Variants in PAWR observed in about 807,000 individuals in gnomAD.
The protein encoded by PAWR is pro-apoptotic WT1 regulator.
A neutral mutation model predicts 32.0 loss-of-function variants in PAWR; 23 were observed. That is an observed-to-expected ratio of 0.72 (90% CI 0.52 to 1.02). PAWR has a LOEUF of 1.02. Ranked by LOEUF, PAWR falls within the 50% of genes least tolerant of loss-of-function variation. The pLI is 0.00. For missense variants in PAWR, 457 were observed against 437.7 expected (o/e 1.04, Z -0.39); for synonymous variants, 226 against 187.1 (o/e 1.21, Z -1.70).
intron 2 of PAWR, among the ~76,000 whole-genome samples, chr12:79,664,661 G>GA (rs367569953): frequency 1.3e-5 from 2 of 148,942 alleles, no homozygotes; most frequent in Admixed American, 6.6e-5. Context: ...TCTTTGGCGG[G>GA]GGGGGGAGGA....
chr12:79,665,017 A>C (rs895955128), intron 2 of PAWR, among the ~76,000 whole-genome samples: 1 of 152,148 alleles, frequency 6.6e-6, no homozygotes, highest in Non-Finnish European at 1.5e-5. Context: ...CAATAGTTAT[A>C]TTTTAAGGTT....
intron 2 of PAWR, among the ~76,000 whole-genome samples, chr12:79,638,450 T>C (rs1171317990): frequency 6.6e-6 from 1 of 152,126 alleles, no homozygotes; most frequent in East Asian, 1.9e-4. Flanking sequence ...TTAATTTCCC[T>C]TTTGCAATTT....
chr12:79,632,314 T>TATATATATATATATATATATAC (rs1875692568), intron 2 of PAWR, among the ~76,000 whole-genome samples: 1 of 18,114 alleles, frequency 5.5e-5, no homozygotes, highest in Non-Finnish European at 8.2e-5. Flanking sequence ...TATACATACA[T>TATATATATATATATATATATAC]ATATATATAT....
In PAWR at chr12:79,689,902, C is replaced by T. The variant is rs1327523103; in HGVS notation, c.343G>A (p.Ala115Thr). Residue 115 changes from alanine (A) to threonine (T), a missense_variant, in exon 2 of 7, where the codon GCC (alanine) becomes ACC (threonine). By Grantham distance (58) the Ala-to-Thr change is moderately conservative (BLOSUM62 0). Coordinates refer to ENST00000328827, the MANE Select transcript of PAWR (RefSeq NM_002583.4). ...GGCGGCGGTGCAGCCGAGGCAGAGG[C>T]GGCTGGGGGCTCGTCCTCCGACCGC... ...PRRSEDEPPA[A>T]SASAAPPPQR... is the part of the protein sequence containing the mutation. 3 of 1,486,056 alleles carry T rather than the reference C, an allele frequency of 2.0e-6. No homozygotes were observed. The highest frequency in any genetic ancestry group is 2.8e-5 in the East Asian group (1 of 35,870). The allele number at this position is 1,486,056 out of a possible 1,614,324, so 92.1% of individuals were successfully genotyped here.
rs538318537 is a variant in PAWR at position 79,660,614 on chromosome 12, C to T, written c.516+29115G>A. Reference sequence around the variant, plus strand: ...TTTTTTTTTTTTTGAGATGGAGTCTCGTTCTGTTGCCCAGGCTGGAGTGCA... The same window carrying T: ...TTTTTTTTTTTTTGAGATGGAGTCTTGTTCTGTTGCCCAGGCTGGAGTGCA... On this transcript the variant is annotated intron_variant, in intron 2 of 6. Transcript: ENST00000328827. Among the ~76,000 whole-genome samples the T allele has an allele frequency of 1.7e-3, 246 of 144,798 alleles. 2 individuals are homozygous for T. The highest frequency in any genetic ancestry group is 5.4e-3 in the African/African-American group (213 of 39,094). The allele number at this position is 144,798 out of a possible 152,430, so 95.0% of individuals were successfully genotyped here.
intron 2 of PAWR, among the ~76,000 whole-genome samples, chr12:79,677,482 G>A (rs1235726688): frequency 1.3e-5 from 2 of 151,784 alleles, no homozygotes; most frequent in Non-Finnish European, 2.9e-5. Context: ...GAAATAATAA[G>A]ACAATGTCAA....
At chr12:79,690,656 C>T in intron 1 of PAWR, 1 of 159,486 alleles carries the variant, frequency 6.3e-6, no homozygotes, top group East Asian at 1.8e-4. Context: ...CCAAGGTCCG[C>T]GCCGGCGGCG....
rs934163366 is a variant in PAWR at position 79,590,692 on chromosome 12, A to C, written c.*1915T>G. ...TAGGCAATAAGGACATGTGTGCCAC[A>C]TAACTAAGGGTAACTAAAGGAAGAT... On this transcript the variant is annotated 3_prime_UTR_variant, in exon 7 of 7. Coordinates refer to ENST00000328827, the MANE Select transcript of PAWR (RefSeq NM_002583.4). The C allele has an allele frequency of 6.6e-6, 1 of 152,242 alleles. No individual in the cohort carries two copies. The highest frequency in any genetic ancestry group is 1.5e-5 in the Non-Finnish European group (1 of 68,048). 9.4% of individuals were successfully genotyped at this position (152,242 alleles called of 1,614,324 possible).
Position 79,585,451 on chromosome 12 carries a change from A to C in PAWR, c.*7156T>G. ...AAGAACCACTGGCAAAACATTTAAT[A>C]AGACAATTCCATGATAAAAGTATAT... On this transcript the variant is annotated 3_prime_UTR_variant, in exon 7 of 7. Coordinates refer to ENST00000328827, the MANE Select transcript of PAWR (RefSeq NM_002583.4). The C allele has an allele frequency of 5.3e-6, 1 of 190,012 alleles. No homozygotes were observed. Among genetic ancestry groups the C allele is most frequent in the East Asian group, 1.6e-4 (1 of 6,356 alleles). The allele number at this position is 190,012 out of a possible 1,614,324, so 11.8% of individuals were successfully genotyped here.
chr12:79,654,728 G>A (rs895246763), intron 2 of PAWR, among the ~76,000 whole-genome samples: 4 of 152,208 alleles, frequency 2.6e-5, no homozygotes, highest in African/African-American at 7.2e-5. Flanking sequence ...AAAGGTGGCA[G>A]GAGAGTGTGA....
At chr12:79,618,982 T>C (rs1874876067) in intron 3 of PAWR, among the ~76,000 whole-genome samples, 1 of 151,970 alleles carries the variant, frequency 6.6e-6, no homozygotes, top group South Asian at 2.1e-4. Flanking sequence ...CAGTTACCCA[T>C]GGTCAACCCA....
At chr12:79,604,201 G>C (rs1565998713) in intron 4 of PAWR, 14 of 972,062 alleles carry the variant, frequency 1.4e-5, no homozygotes, top group Non-Finnish European at 1.7e-5. Flanking sequence ...ATTTTACTTA[G>C]GAATGTTAAC....
Position 79,613,602 on chromosome 12 carries a change from G to A in PAWR, c.656C>T (p.Pro219Leu), listed in dbSNP as rs1354237392. 6.5e-7 allele frequency: 1 copy of A among 1,540,778 alleles called. No homozygotes were observed. Among genetic ancestry groups the A allele is most frequent in the East Asian group, 2.3e-5 (1 of 44,264 alleles). The change falls in exon 4 of 7, where the codon CCT becomes CTT. Residue 219 changes from proline (P) to leucine (L), a missense_variant. Pro to Leu is a moderately conservative substitution (Grantham distance 98, BLOSUM62 -3). Coordinates refer to ENST00000328827, the MANE Select transcript of PAWR (RefSeq NM_002583.4). ...TTTATATCTGCCTGAAACTGTTCTA[G>A]GTGGCTCCTGCAAAGTAAAAATAAT... ...PGSSYLLQEPPRTVSGRYKST... is the reference protein window; with the variant it reads ...PGSSYLLQEPLRTVSGRYKST...
chr12:79,669,628 GA>G (rs200144078), intron 2 of PAWR, among the ~76,000 whole-genome samples: 4 of 151,716 alleles, frequency 2.6e-5, no homozygotes, highest in African/African-American at 4.8e-5. Context: ...TTTAAAAAAA[GA>G]AAAAAATCAA....
chr12:79,678,986 T>C (rs976492135), intron 2 of PAWR, among the ~76,000 whole-genome samples: 5 of 150,928 alleles, frequency 3.3e-5, no homozygotes, highest in Non-Finnish European at 7.4e-5. Flanking sequence ...CAGCCTAAAA[T>C]TCCTGGGCTC....
intron 2 of PAWR, among the ~76,000 whole-genome samples, chr12:79,684,133 T>G (rs922215362): frequency 6.6e-6 from 1 of 152,060 alleles, no homozygotes; most frequent in Non-Finnish European, 1.5e-5. Flanking sequence ...AAGGGTAAAT[T>G]TTATTGTATG....
chr12:79,592,530 G>A lies in PAWR; in HGVS notation c.*77C>T. ...GTTATTTTAATGTATTGCAGCATAG[G>A]AATATTGTGCTAGCATTGACCATTA... On this transcript the variant is annotated 3_prime_UTR_variant, in exon 7 of 7. Coordinates refer to ENST00000328827, the MANE Select transcript of PAWR (RefSeq NM_002583.4). 1.5e-6 allele frequency: 1 copy of A among 670,294 alleles called. No homozygotes were observed. The highest frequency in any genetic ancestry group is 2.8e-5 in the Admixed American group (1 of 35,146). The allele number at this position is 670,294 out of a possible 1,614,324, so 41.5% of individuals were successfully genotyped here.
intron 2 of PAWR, among the ~76,000 whole-genome samples, chr12:79,689,368 A>C (rs954687402): frequency 2.6e-5 from 4 of 152,158 alleles, no homozygotes; most frequent in African/African-American, 9.7e-5. Flanking sequence ...CGTCACCATT[A>C]ATCAATTTTT....
chr12:79,632,326 TATATATATATATATATATATA>T lies in PAWR; in HGVS notation c.517-11140_517-11120del, dbSNP rs1566010929. On this transcript the variant is annotated intron_variant, in intron 2 of 6. Coordinates refer to ENST00000328827, the MANE Select transcript of PAWR (RefSeq NM_002583.4). The stretch of plus-strand genomic sequence containing the variant: ...ATATATACATACATATATATATATA[TATATATATATATATATATATA>T]TATATATATATATATTTTTTTTTTT... 2.7e-4 allele frequency among the ~76,000 whole-genome samples: 9 copies of T among 33,314 alleles called. No individual in the cohort carries two copies. The African/African-American group carries it at 2.8e-3, about 10-fold the overall frequency. The allele number at this position is 33,314 out of a possible 152,430, so 21.9% of individuals were successfully genotyped here.
Sources: gnomAD v4.1 joint callset for allele counts (sites outside exome capture counted in the v4.1 genomes callset) on GRCh38, gnomAD v4.1.1 for gene constraint, MANE v1.5 for transcripts, NCBI Gene and HGNC (gene_info 2026-07-23, HGNC 2026-07-21) for gene names.